Variants in NLRP2 observed in about 807,000 individuals in gnomAD.
The protein encoded by NLRP2 is NLR family pyrin domain containing 2, also known as NACHT, LRR and PYD domains-containing protein 2.
A neutral mutation model predicts 97.2 loss-of-function variants in NLRP2; 107 were observed. That is an observed-to-expected ratio of 1.10 (90% CI 0.94 to 1.29). The LOEUF (loss-of-function observed/expected upper bound fraction) is 1.29, where lower values mean the gene tolerates loss of function less well. Ranked by LOEUF, NLRP2 falls within the 50% of genes most tolerant of loss-of-function variation. The pLI is 0.00. For missense variants in NLRP2, 1,495 were observed against 1,330.3 expected (o/e 1.12, Z -1.93); for synonymous variants, 663 against 551.5 (o/e 1.20, Z -2.83).
In NLRP2 at chr19:54,977,773, C is replaced by T. The variant is rs759959964; in HGVS notation, c.347C>T (p.Pro116Leu). The change falls in exon 4 of 13, where the codon CCA (proline) becomes CTA (leucine). Residue 116 changes from proline (P) to leucine (L), a missense_variant. Transcript: ENST00000448584. ...CCAGGGATAACACGGAAAGAACGAC[C>T]ACCTCTAGACGTGGACGAAATGCTG... ...LSLGITRKER[P>L]PLDVDEMLER... 1 of 1,613,806 alleles carries T rather than the reference C, an allele frequency of 6.2e-7. No homozygotes were observed. The highest frequency in any genetic ancestry group is 8.5e-7 in the Non-Finnish European group (1 of 1,180,006).
At chr19:54,974,834 C>T (rs2071095081) in intron 3 of NLRP2, among the ~76,000 whole-genome samples, 2 of 152,132 alleles carry the variant, frequency 1.3e-5, no homozygotes, top group African/African-American at 4.8e-5. Context: ...GAGGCTTGCT[C>T]TGTCACCTAG....
At chr19:54,997,696 C>G (rs931996247) in intron 12 of NLRP2, among the ~76,000 whole-genome samples, 4 of 151,978 alleles carry the variant, frequency 2.6e-5, no homozygotes, top group African/African-American at 4.8e-5. Flanking sequence ...CTCAGGTGAT[C>G]CGCCCGCCTC....
Position 54,998,319 on chromosome 19 carries a change from G to A in NLRP2, c.3050+832G>A, listed in dbSNP as rs868198874. Among the ~76,000 whole-genome samples the A allele has an allele frequency of 2.0e-3, 297 of 152,086 alleles. 1 individual carries two copies. The highest frequency in any genetic ancestry group is 6.8e-3 in the Middle Eastern group (2 of 292). ...AGGCATGAGCCACCGCACCCGGCCT[G>A]AGTTGTATTTTGATACCATGGCATC... On this transcript the variant is annotated intron_variant, in intron 12 of 12. Transcript: ENST00000448584.
chr19:54,996,270 G>A (rs904770918), intron 11 of NLRP2, among the ~76,000 whole-genome samples: 3 of 152,016 alleles, frequency 2.0e-5, no homozygotes, highest in African/African-American at 7.2e-5. Flanking sequence ...GGAGGCCGAG[G>A]CAGGTGGATC....
At position 54,983,560 on chromosome 19, in the gene NLRP2, T is replaced by C. The variant is rs2071802651; in HGVS notation, c.1862T>C (p.Val621Ala). Residue 621 changes from valine (V) to alanine (A), a missense_variant, in exon 6 of 13, where the codon GTG becomes GCG. Val to Ala is a moderately conservative substitution (Grantham distance 64). Coordinates refer to ENST00000448584, the MANE Select transcript of NLRP2 (RefSeq NM_017852.5). ...ESQEEELVKEVMAQFKEISLH... is the reference protein window; with the variant it reads ...ESQEEELVKEAMAQFKEISLH... ...CAGGAGGAGGAGCTGGTGAAGGAGGTGATGGCTCAGTTCAAAGAAATATCC... is the reference window on the plus strand; with the variant it reads ...CAGGAGGAGGAGCTGGTGAAGGAGGCGATGGCTCAGTTCAAAGAAATATCC... 2 of 1,613,972 alleles carry C rather than the reference T, an allele frequency of 1.2e-6. No individual in the cohort carries two copies. The highest frequency in any genetic ancestry group is 1.7e-6 in the Non-Finnish European group (2 of 1,180,028).
At chr19:54,968,981 G>C (rs150200177) in intron 1 of NLRP2, among the ~76,000 whole-genome samples, 1 of 151,876 alleles carries the variant, frequency 6.6e-6, no homozygotes, top group Admixed American at 6.6e-5. Flanking sequence ...GATTGCAGGC[G>C]TGAGCCACCG....
At position 54,984,485 on chromosome 19, in the gene NLRP2, C is replaced by CTTTTTTTTTTTTTTTTTTTTT. The variant is rs36061621; in HGVS notation, c.2031-547_2031-546insTTTTTTTTTTTTTTTTTTTTT. 6.7e-3 allele frequency among the ~76,000 whole-genome samples: 516 copies of CTTTTTTTTTTTTTTTTTTTTT among 76,838 alleles called. 88 individuals carry two copies. The highest frequency in any genetic ancestry group is 0.013 in the African/African-American group (167 of 13,218). The allele number at this position is 76,838 out of a possible 152,430, so 50.4% of individuals were successfully genotyped here. A position where few individuals can be genotyped will look rare whatever the true frequency, so the allele number is the denominator to read the frequency against. On this transcript the variant is annotated intron_variant, in intron 6 of 12. Coordinates refer to ENST00000448584, the MANE Select transcript of NLRP2 (RefSeq NM_017852.5). The stretch of plus-strand genomic sequence containing the variant: ...ATGTATAGATATGTATATTCCCAAT[C>CTTTTTTTTTTTTTTTTTTTTT]TTTTTTTTTTTTTTTGAGACGGAGT...
chr19:54,966,921 A>G (rs2070477605), intron 1 of NLRP2, among the ~76,000 whole-genome samples: 1 of 141,782 alleles, frequency 7.1e-6, no homozygotes, highest in African/African-American at 2.7e-5. Context: ...GGCTCACTGA[A>G]CCCTTGACCT....
rs1458790157 is a variant in NLRP2 at position 55,000,802 on chromosome 19, G to T, written c.3093G>T (p.Leu1031=). 1.2e-6 allele frequency: 2 copies of T among 1,613,540 alleles called. No homozygotes were observed. Among genetic ancestry groups the T allele is most frequent in the Non-Finnish European group, 1.7e-6 (2 of 1,179,714 alleles). ...DDFNDELNKL[L]EEIEEKNPQL... ...TTAATGATGAACTCAATAAGCTGCTGGAAGAAATAGAAGAAAAAAACCCAC... is the reference window on the plus strand; with the variant it reads ...TTAATGATGAACTCAATAAGCTGCTTGAAGAAATAGAAGAAAAAAACCCAC... The change falls in exon 13 of 13, where the codon CTG becomes CTT. Residue 1031 remains leucine (L), a synonymous_variant. Transcript: ENST00000448584.
Position 54,983,199 on chromosome 19 carries a change from T to G in NLRP2, c.1501T>G (p.Phe501Val). The change falls in exon 6 of 13, where the codon TTC becomes GTC. Residue 501 changes from phenylalanine to valine, a missense_variant. Coordinates refer to ENST00000448584, the MANE Select transcript of NLRP2 (RefSeq NM_017852.5). ...CAGAGTCTCCAAAGGCTGCTACTCCTTCATCCACCTCAGCTTCCAGCAGTT... is the reference window on the plus strand; with the variant it reads ...CAGAGTCTCCAAAGGCTGCTACTCCGTCATCCACCTCAGCTTCCAGCAGTT... Reference protein sequence around the residue: ...QDRVSKGCYSFIHLSFQQFLT... With the variant: ...QDRVSKGCYSVIHLSFQQFLT... The G allele has an allele frequency of 6.2e-7, 1 of 1,614,076 alleles. No homozygotes were observed. The highest frequency in any genetic ancestry group is 1.3e-5 in the African/African-American group (1 of 75,022).
rs368987351 is a variant in NLRP2 at position 54,967,459 on chromosome 19, G to A, written c.-18+992G>A. 5.9e-5 allele frequency among the ~76,000 whole-genome samples: 9 copies of A among 152,216 alleles called. No individual in the cohort carries two copies. The South Asian group carries it at 6.2e-4, about 11-fold the overall frequency. ...ATCATACCATTGCTCTCCAGCCTGC[G>A]CAGCAAGAGAGAAACTGTCTCAAAA... On this transcript the variant is annotated intron_variant, in intron 1 of 12. Coordinates refer to ENST00000448584, the MANE Select transcript of NLRP2 (RefSeq NM_017852.5).
At chr19:54,985,950 C>T (rs1455221508) in intron 7 of NLRP2, among the ~76,000 whole-genome samples, 3 of 151,800 alleles carry the variant, frequency 2.0e-5, no homozygotes, top group Non-Finnish European at 2.9e-5. Flanking sequence ...TGCAGTGAGC[C>T]GAGATCGCGC....
chr19:54,986,098 G>A, intron 7 of NLRP2, 53 bp from the exon 8 acceptor site: 1 of 1,207,696 alleles, frequency 8.3e-7, no homozygotes, highest in Non-Finnish European at 1.2e-6. Context: ...TTCCATTTAA[G>A]TACGATACAG....
chr19:54,976,728 T>C (rs149106702), intron 3 of NLRP2: 4,838 of 413,418 alleles, frequency 0.012, 214 homozygotes, highest in South Asian at 0.039. Context: ...CCCAGCATCT[T>C]TTCAGGAGTT....
Position 54,970,055 on chromosome 19 carries a change from C to G in NLRP2, c.40C>G (p.Leu14Val), listed in dbSNP as rs2070743597. Residue 14 changes from leucine to valine, a missense_variant, in exon 2 of 13, where the codon CTC (leucine) becomes GTC (valine). Coordinates refer to ENST00000448584, the MANE Select transcript of NLRP2 (RefSeq NM_017852.5). ...GCAGATGGGCTTCAACCTGCAGGCT[C>G]TCCTGGAGCAGCTCAGCCAGGATGA... ...SAQMGFNLQA[L>V]LEQLSQDELS... The G allele has an allele frequency of 6.2e-7, 1 of 1,614,074 alleles. No individual in the cohort carries two copies. The highest frequency in any genetic ancestry group is 8.5e-7 in the Non-Finnish European group (1 of 1,180,022).
At chr19:54,976,144 C>T (rs1396048792) in intron 3 of NLRP2, among the ~76,000 whole-genome samples, 1 of 151,704 alleles carries the variant, frequency 6.6e-6, no homozygotes, top group African/African-American at 2.4e-5. Flanking sequence ...TGACCTCCGC[C>T]TCCCGGTTCA....
chr19:54,981,216 G>T (rs760691659), intron 4 of NLRP2, among the ~76,000 whole-genome samples: 1 of 152,030 alleles, frequency 6.6e-6, no homozygotes, highest in Non-Finnish European at 1.5e-5. Context: ...GTTGCCCAGG[G>T]TGGAGTGCAG....
In NLRP2 at chr19:54,970,079, GAGTTGAGCA is replaced by G; in HGVS notation, c.69_77del (p.Leu23_Lys25del). 1.2e-6 allele frequency: 2 copies of G among 1,614,132 alleles called. No individual in the cohort carries two copies. The highest frequency in any genetic ancestry group is 1.7e-6 in the Non-Finnish European group (2 of 1,180,018). ...TCTCCTGGAGCAGCTCAGCCAGGATGAGTTGAGCAAGTTCAAGTATCTGATCACGACCTT... is the reference window on the plus strand; with the variant it reads ...TCTCCTGGAGCAGCTCAGCCAGGATGAGTTCAAGTATCTGATCACGACCTT... On this transcript the variant is annotated inframe_deletion, in exon 2 of 13. Transcript: ENST00000448584.
In NLRP2 at chr19:54,969,455, G is replaced by A. The variant is rs150579287; in HGVS notation, c.-17-544G>A. ...ATTGCAGCACTGCACTCCAGCCAGG[G>A]TGACAAAGTGAGACTCCGTCTCAAA... On this transcript the variant is annotated intron_variant, in intron 1 of 12. Coordinates refer to ENST00000448584, the MANE Select transcript of NLRP2 (RefSeq NM_017852.5). Among the ~76,000 whole-genome samples the A allele has an allele frequency of 4.6e-3, 674 of 147,770 alleles. 3 individuals are homozygous for A. The highest frequency in any genetic ancestry group is 0.016 in the African/African-American group (619 of 39,484).
Sources: gnomAD v4.1 joint callset for allele counts (sites outside exome capture counted in the v4.1 genomes callset) on GRCh38, gnomAD v4.1.1 for gene constraint, MANE v1.5 for transcripts, NCBI Gene and HGNC (gene_info 2026-07-23, HGNC 2026-07-21) for gene names.